ATG2B: variants seen among roughly 807,000 people sequenced by gnomAD.
ATG2B encodes the protein autophagy related 2B.
Under a neutral mutation model 241.3 loss-of-function variants are expected in ATG2B, and 121 were observed. That is an observed-to-expected ratio of 0.50 (90% CI 0.43 to 0.58). ATG2B has a LOEUF of 0.58. ATG2B is among the 20% of genes least tolerant of loss of function. The probability of loss-of-function intolerance (pLI) is 0.00; values close to 1 mark genes in which losing one functional copy is unlikely to be tolerated. For synonymous variants in ATG2B, 858 were observed against 876.6 expected (o/e 0.98, Z 0.37); for missense variants, 2,306 against 2,491.6 (o/e 0.93, Z 1.59).
chr14:96,325,673 C>G lies in ATG2B; in HGVS notation c.2413G>C (p.Glu805Gln). ...CCAATTAGTTCTCTAAAGGTAAGTT[C>G]CAATTTAATTTGTTCTGGGGTTGAT... Reference protein sequence around the residue: ...GGSTPEQIKLELTFRELIGSF... With the variant: ...GGSTPEQIKLQLTFRELIGSF... The change falls in exon 15 of 42, where the codon GAA becomes CAA. Residue 805 changes from glutamate (E) to glutamine (Q), a missense_variant. Around this residue, in one of 2 missense-constraint regions of ATG2B, gnomAD observed 1,927 missense variants for 2,011.2 expected, o/e 0.96. Transcript: ENST00000359933. 1 of 1,613,012 alleles carries G rather than the reference C, an allele frequency of 6.2e-7. No individual in the cohort carries two copies. The highest frequency in any genetic ancestry group is 8.5e-7 in the Non-Finnish European group (1 of 1,179,726).
chr14:96,338,110 T>A (rs1236748731), intron 6 of ATG2B, among the ~76,000 whole-genome samples: 1 of 152,170 alleles, frequency 6.6e-6, no homozygotes, highest in African/African-American at 2.4e-5. Flanking sequence ...TGTATAGCAC[T>A]GCTACTGATT....
intron 1 of ATG2B, among the ~76,000 whole-genome samples, chr14:96,355,637 T>C (rs1888452220): frequency 6.6e-6 from 1 of 152,182 alleles, no homozygotes; most frequent in Non-Finnish European, 1.5e-5. Context: ...TTCCTGGTAC[T>C]AAGCAAACAC....
chr14:96,326,678 T>C (rs1454140518), intron 14 of ATG2B, among the ~76,000 whole-genome samples: 6 of 152,218 alleles, frequency 3.9e-5, no homozygotes, highest in Admixed American at 3.3e-4. Context: ...TCAATCAATT[T>C]CTAACCTCCA....
chr14:96,356,098 G>A (rs894304241), intron 1 of ATG2B, among the ~76,000 whole-genome samples: 10 of 151,860 alleles, frequency 6.6e-5, no homozygotes, highest in African/African-American at 1.9e-4. Context: ...ATAAACCCGG[G>A]AGGCGGAGCT....
At position 96,338,141 on chromosome 14, in the gene ATG2B, C is replaced by T. The variant is rs558322033; in HGVS notation, c.924+3381G>A. Among the ~76,000 whole-genome samples the T allele has an allele frequency of 7.9e-5, 12 of 152,054 alleles. No individual in the cohort carries two copies. In the East Asian group the frequency reaches 1.5e-3, roughly 20 times the overall value. On this transcript the variant is annotated intron_variant, in intron 6 of 41. Coordinates refer to ENST00000359933, the MANE Select transcript of ATG2B (RefSeq NM_018036.7). ...TGATTCGTGTACGCTGATTTTGTAA[C>T]CTAGGAGTTTACTGAATTCATTGAT...
At position 96,290,382 on chromosome 14, in the gene ATG2B, C is replaced by T; in HGVS notation, c.5856+54G>A. 6.3e-7 allele frequency: 1 copy of T among 1,576,364 alleles called. No homozygotes were observed. Among genetic ancestry groups the T allele is most frequent in the Non-Finnish European group, 8.6e-7 (1 of 1,157,984 alleles). On this transcript the variant is annotated intron_variant, in intron 40 of 41. Coordinates refer to ENST00000359933, the MANE Select transcript of ATG2B (RefSeq NM_018036.7). This position sits in a 1 kb window ranked among gnomAD's most constrained non-coding sequence, Gnocchi z 4.4. ...GTATCGTTTTAAAAACAAAAGGACC[C>T]AACCATTTCACAATGGCTCTTTTTG...
rs748312708 is a variant in ATG2B at position 96,313,395 on chromosome 14, C to T, written c.3683G>A (p.Gly1228Glu). 6.3e-7 allele frequency: 1 copy of T among 1,593,428 alleles called. No homozygotes were observed. Among genetic ancestry groups the T allele is most frequent in the East Asian group, 2.2e-5 (1 of 44,590 alleles). ...FLNIADEPVLGYNPPTSFTTF... is the reference protein window; with the variant it reads ...FLNIADEPVLEYNPPTSFTTF... ...TGTAAATGAAGTTGGAGGATTATAT[C>T]CCAAAACAGGTTCATCAGCAATATT... is the stretch of plus-strand genomic sequence containing the variant. Residue 1228 changes from glycine (G) to glutamate (E), a missense_variant, in exon 24 of 42, where the codon GGA (glycine) becomes GAA (glutamate). Physicochemically the swap from Gly to Glu is moderately conservative, Grantham distance 98. Coordinates refer to ENST00000359933, the MANE Select transcript of ATG2B (RefSeq NM_018036.7).
At position 96,345,705 on chromosome 14, in the gene ATG2B, T is replaced by C. The variant is rs372382683; in HGVS notation, c.326-320A>G. ...ATCCTACAGATGCATGGAACTGTTC[T>C]AAATATTATAAGCAGGGGTTGACAT... On this transcript the variant is annotated intron_variant, in intron 2 of 41. Transcript: ENST00000359933. Among the ~76,000 whole-genome samples the C allele has an allele frequency of 7.9e-5, 12 of 152,166 alleles. No homozygotes were observed. In the East Asian group the frequency reaches 1.2e-3, roughly 15 times the overall value.
At chr14:96,334,596 G>A in intron 6 of ATG2B, 95 bp from the exon 7 acceptor site, 1 of 652,220 alleles carries the variant, frequency 1.5e-6, no homozygotes, top group Non-Finnish European at 2.6e-6. Context: ...GATGAATACT[G>A]AGTCTTTAGT....
At chr14:96,342,891 G>C (rs1210807925) in intron 5 of ATG2B, among the ~76,000 whole-genome samples, 2 of 151,948 alleles carry the variant, frequency 1.3e-5, no homozygotes, top group East Asian at 1.9e-4. Context: ...CCAAGATACA[G>C]TACCCAACAT....
At position 96,331,580 on chromosome 14, in the gene ATG2B, A is replaced by C. The variant is rs769061235; in HGVS notation, c.1526T>G (p.Leu509Arg). Residue 509 changes from leucine (L) to arginine (R), a missense_variant, in exon 11 of 42, where the codon CTA becomes CGA. Leu to Arg is a moderately radical substitution (Grantham distance 102, BLOSUM62 -2). Around this residue, in one of 2 missense-constraint regions of ATG2B, gnomAD observed 1,927 missense variants for 2,011.2 expected, o/e 0.96. Transcript: ENST00000359933. ...DESRPELIFR[L>R]AVGTFSISVL... ...AGAGATTGAAAAAGTTCCCACAGCT[A>C]GTCTAAAAATAAGTTCAGGCCTTGA... is the stretch of plus-strand genomic sequence containing the variant. 1.2e-6 allele frequency: 2 copies of C among 1,614,008 alleles called. No homozygotes were observed. Among genetic ancestry groups the C allele is most frequent in the Non-Finnish European group, 8.5e-7 (1 of 1,179,912 alleles).
At chr14:96,302,579 G>C (rs555211779) in intron 33 of ATG2B, among the ~76,000 whole-genome samples, 1 of 149,480 alleles carries the variant, frequency 6.7e-6, no homozygotes, top group African/African-American at 2.5e-5. Context: ...CTGTTGGGGG[G>C]AAAAAAAAAA....
chr14:96,296,966 G>C (rs1886658867), intron 34 of ATG2B, among the ~76,000 whole-genome samples: 1 of 152,106 alleles, frequency 6.6e-6, no homozygotes, highest in African/African-American at 2.4e-5. Flanking sequence ...GCATATGGGA[G>C]ACTAAGCAAT....
rs1886444143 is a variant in ATG2B at position 96,290,090 on chromosome 14, T to C, written c.5857-285A>G. The C allele has an allele frequency of 7.4e-6, 9 of 1,216,510 alleles. No individual in the cohort carries two copies. The highest frequency in any genetic ancestry group is 7.3e-6 in the Non-Finnish European group (7 of 957,406). 75.4% of individuals were successfully genotyped at this position (1,216,510 alleles called of 1,614,324 possible). A position where few individuals can be genotyped will look rare whatever the true frequency, so the allele number is the denominator to read the frequency against. On this transcript the variant is annotated intron_variant, in intron 40 of 41. Transcript: ENST00000359933. The surrounding 1 kb of genome is among the most constrained non-coding windows in gnomAD (Gnocchi z 4.4). ...TTCCACATCAGTCTATGGAGCTTAATACTTACTAGAATGATCTTTAATACT... is the reference window on the plus strand; with the variant it reads ...TTCCACATCAGTCTATGGAGCTTAACACTTACTAGAATGATCTTTAATACT...
At chr14:96,287,253 C>CAAAAAA (rs34710412) in intron 41 of ATG2B, among the ~76,000 whole-genome samples, 8 of 78,186 alleles carry the variant, frequency 1.0e-4, no homozygotes, top group Admixed American at 1.7e-4. Context: ...GACTCCGTCT[C>CAAAAAA]AAAAAAAAAA....
chr14:96,298,178 A>C (rs1201779643), intron 34 of ATG2B, among the ~76,000 whole-genome samples: 2 of 152,236 alleles, frequency 1.3e-5, no homozygotes, highest in African/African-American at 2.4e-5. Flanking sequence ...ATAAGCACAT[A>C]AAAAGATGCT....
rs556114136 is a variant in ATG2B, at chr14:96,351,953, T to G, written c.163-4612A>C. ...TTTATGCTTATCAAAATGCATAAAT[T>G]TATACTGTTTTGATCAACTATACAC... is the stretch of plus-strand genomic sequence containing the variant. On this transcript the variant is annotated intron_variant, in intron 1 of 41. Transcript: ENST00000359933. Among the ~76,000 whole-genome samples the G allele has an allele frequency of 1.9e-3, 285 of 151,412 alleles. 1 individual carries two copies. Among genetic ancestry groups the G allele is most frequent in the Non-Finnish European group, 3.7e-3 (248 of 67,806 alleles).
chr14:96,343,194 G>A lies in ATG2B; in HGVS notation c.669C>T (p.Leu223=), dbSNP rs79662280. 3,794 of 1,609,794 alleles carry A rather than the reference G, an allele frequency of 2.4e-3. 30 individuals carry two copies. Among genetic ancestry groups the A allele is most frequent in the Middle Eastern group, 0.015 (90 of 6,050 alleles). ...PTAFAHKLLQ[L]SGVSLFWDEF... ...CATCCCAGAAGAGAGACACTCCAGA[G>A]AGCTGAAGTAACTTGTGAGCAAAAG... is the stretch of plus-strand genomic sequence containing the variant. The change falls in exon 5 of 42, where the codon CTC becomes CTT. Residue 223 remains leucine (L), a synonymous_variant. Transcript: ENST00000359933.
rs371403080 is a variant in ATG2B at position 96,363,020 on chromosome 14, C to T, written c.-44G>A. 6.2e-7 allele frequency: 1 copy of T among 1,608,930 alleles called. No homozygotes were observed. Among genetic ancestry groups the T allele is most frequent in the Non-Finnish European group, 8.5e-7 (1 of 1,178,104 alleles). On this transcript the variant is annotated 5_prime_UTR_variant, in exon 1 of 42. Transcript: ENST00000359933. Reference sequence around the variant, plus strand: ...GGCTGACTGCGGCTGCGGGTTGCGACGGCTCCGGCCTCGGGGTAGCGACTC... The same window carrying T: ...GGCTGACTGCGGCTGCGGGTTGCGATGGCTCCGGCCTCGGGGTAGCGACTC...
Sources: gnomAD v4.1 joint callset for allele counts (sites outside exome capture counted in the v4.1 genomes callset) on GRCh38, gnomAD v4.1.1 for gene constraint, gnomAD v4.1.1 regional missense constraint, Gnocchi (gnomAD v3.1) non-coding constraint, MANE v1.5 for transcripts, NCBI Gene and HGNC (gene_info 2026-07-23, HGNC 2026-07-21) for gene names.